MGAM: variants seen among roughly 807,000 people sequenced by gnomAD.
MGAM encodes maltase-glucoamylase.
A neutral mutation model predicts 358.8 loss-of-function variants in MGAM; 253 were observed. The ratio of observed to expected loss-of-function variants is 0.71; its 90% confidence interval spans 0.64 to 0.78. MGAM has a LOEUF of 0.78. Ranked by LOEUF, MGAM falls within the 30% of genes least tolerant of loss-of-function variation. The pLI is 0.00. For missense variants in MGAM, 3,080 were observed against 3,432.6 expected, an observed-to-expected ratio of 0.90 and a Z score of 2.57; for synonymous variants, 1,105 against 1,227.1, an observed-to-expected ratio of 0.90 and a Z score of 2.08.
At chr7:142,019,449 G>T in intron 4 of MGAM, 130 bp downstream of exon 4, 2 of 990,270 alleles carry the variant, frequency 2.0e-6, no homozygotes, top group Non-Finnish European at 2.8e-6. Flanking sequence ...GGTGGGCATT[G>T]CTCTTAATCG....
At chr7:142,067,949 T>TAA (rs1812927095) in intron 42 of MGAM, among the ~76,000 whole-genome samples, 4 of 37,228 alleles carry the variant, frequency 1.1e-4, no homozygotes, top group African/African-American at 2.9e-4. Flanking sequence ...TATATATATA[T>TAA]ATATATATAT....
At chr7:142,033,501 A>G (rs1223728193) in intron 14 of MGAM, among the ~76,000 whole-genome samples, 1 of 152,190 alleles carries the variant, frequency 6.6e-6, no homozygotes, top group Non-Finnish European at 1.5e-5. Context: ...TGATTGAGAA[A>G]GGAAAAAACT....
At chr7:142,042,204 T>TAA (rs1288541929) in intron 21 of MGAM, among the ~76,000 whole-genome samples, 1 of 522 alleles carries the variant, frequency 1.9e-3, no homozygotes, top group Non-Finnish European at 2.5e-3. Flanking sequence ...ATATAATATA[T>TAA]AACATATTAT....
Position 142,059,521 on chromosome 7 carries a change from C to T in MGAM, c.3869C>T (p.Thr1290Ile), listed in dbSNP as rs1380498230. ...IDYMERQLDF[T>I]LSPKFAGFPA... ...TACATGGAGCGGCAGCTGGACTTCA[C>T]CCTCAGCCCCAAGTTTGCTGGGTTT... Residue 1290 changes from threonine to isoleucine, a missense_variant, in exon 32 of 71, where the codon ACC becomes ATC. Coordinates refer to ENST00000475668, the MANE Select transcript of MGAM (RefSeq NM_001365693.1). The T allele has an allele frequency of 1.2e-6, 2 of 1,612,952 alleles. No homozygotes were observed. The highest frequency in any genetic ancestry group is 2.2e-5 in the East Asian group (1 of 44,848).
intron 3 of MGAM, among the ~76,000 whole-genome samples, chr7:142,013,314 T>C (rs1554454983): frequency 6.6e-6 from 1 of 152,068 alleles, no homozygotes; most frequent in East Asian, 1.9e-4. Context: ...TTCCCTCCAG[T>C]GGCAGGAAAT....
chr7:142,086,480 T>C (rs1269272161), intron 56 of MGAM, among the ~76,000 whole-genome samples, 152 bp downstream of exon 56: 1 of 101,150 alleles, frequency 9.9e-6, no homozygotes, highest in Non-Finnish European at 2.2e-5. Context: ...GTTGATACAG[T>C]TAATAACTTT....
intron 68 of MGAM, among the ~76,000 whole-genome samples, chr7:142,101,344 C>T: frequency 6.6e-6 from 1 of 151,220 alleles, no homozygotes; most frequent in East Asian, 1.9e-4. Flanking sequence ...TTAGCTATTT[C>T]TAGACAAGTG....
rs1809543174 is a variant in MGAM, at chr7:142,044,045, T to TATACATTATATACACATACGACGTATA, written c.2498+3230_2498+3256dup. Among the ~76,000 whole-genome samples the TATACATTATATACACATACGACGTATA allele has an allele frequency of 7.7e-5, 10 of 129,266 alleles. 3 individuals are homozygous for TATACATTATATACACATACGACGTATA. Among genetic ancestry groups the TATACATTATATACACATACGACGTATA allele is most frequent in the African/African-American group, 2.2e-4 (7 of 32,494 alleles). The allele number at this position is 129,266 out of a possible 152,430, so 84.8% of individuals were successfully genotyped here. ...TTATATACACATACGACGTATAATA[T>TATACATTATATACACATACGACGTATA]ATACATTATATACACATACGACGTA... On this transcript the variant is annotated intron_variant, in intron 21 of 70. Transcript: ENST00000475668.
Position 142,063,824 on chromosome 7 carries a change from G to A in MGAM, c.4345+238G>A, listed in dbSNP as rs114563588. On this transcript the variant is annotated intron_variant, in intron 36 of 70. Coordinates refer to ENST00000475668, the MANE Select transcript of MGAM (RefSeq NM_001365693.1). ...CAGAAAGCACTTAGCAGAGCTCATG[G>A]CACAAAGGGTTCTCACAGCTGAGTT... is the stretch of plus-strand genomic sequence containing the variant. 5.0e-4 allele frequency among the ~76,000 whole-genome samples: 76 copies of A among 152,302 alleles called. 1 individual carries two copies. The highest frequency in any genetic ancestry group is 2.3e-3 in the South Asian group (11 of 4,828).
At chr7:142,041,907 A>ATAT (rs1554468783) in intron 21 of MGAM, among the ~76,000 whole-genome samples, 2 of 19,042 alleles carry the variant, frequency 1.1e-4, no homozygotes, top group Admixed American at 1.1e-3. Flanking sequence ...TATATATATT[A>ATAT]TATATATACG....
chr7:142,041,094 C>T (rs1808486972), intron 21 of MGAM, among the ~76,000 whole-genome samples: 2 of 152,086 alleles, frequency 1.3e-5, no homozygotes, highest in Non-Finnish European at 2.9e-5. Context: ...CACTTGTTCT[C>T]ATTTCTAGAG....
rs115785937 is a variant in MGAM at position 142,050,801 on chromosome 7, A to C, written c.2742A>C (p.Thr914=). Residue 914 remains threonine (T), a synonymous_variant, in exon 24 of 71, where the codon ACA becomes ACC. Coordinates refer to ENST00000475668, the MANE Select transcript of MGAM (RefSeq NM_001365693.1). The stretch of plus-strand genomic sequence containing the variant: ...GGACGGAGGAACCTAGCAATGTTAC[A>C]GTGAAACACAATGGTGTCCCAAGTC... ...ILGTEEPSNV[T]VKHNGVPSQT... 4.5e-3 allele frequency: 7,337 copies of C among 1,613,778 alleles called. 281 individuals are homozygous for C. In the African/African-American group the frequency reaches 0.086, roughly 19 times the overall value.
At chr7:142,097,307 A>G (rs746697297) in intron 65 of MGAM, among the ~76,000 whole-genome samples, 9 of 151,662 alleles carry the variant, frequency 5.9e-5, no homozygotes, top group Non-Finnish European at 1.2e-4. Context: ...TCTCTTTAAG[A>G]GGGAATGGCG....
chr7:142,030,825 TG>T, intron 12 of MGAM, 68 bp downstream of exon 12: 2 of 807,538 alleles, frequency 2.5e-6, no homozygotes, highest in East Asian at 4.9e-5. Flanking sequence ...TGTCTGTGTG[TG>T]TGTGTGTGTG....
chr7:142,036,730 A>T, intron 17 of MGAM, 93 bp from the exon 18 acceptor site: 1 of 1,374,468 alleles, frequency 7.3e-7, no homozygotes, highest in Non-Finnish European at 1.0e-6. Flanking sequence ...CAGGAGGGAA[A>T]TTCTTGGTTG....
intron 18 of MGAM, among the ~76,000 whole-genome samples, chr7:142,037,583 A>G (rs569387219): frequency 6.6e-6 from 1 of 152,112 alleles, no homozygotes; most frequent in Admixed American, 6.6e-5. Context: ...AGGCTATTAT[A>G]TATTCATTAT....
intron 57 of MGAM, among the ~76,000 whole-genome samples, chr7:142,089,069 T>C (rs1418833284): frequency 1.4e-5 from 2 of 145,236 alleles, no homozygotes; most frequent in African/African-American, 4.9e-5. Context: ...CTTCCTGTCC[T>C]CTCGTCACCT....
intron 64 of MGAM, 82 bp from the exon 65 acceptor site, chr7:142,096,249 G>A (rs1815893472): frequency 9.9e-6 from 13 of 1,312,708 alleles, no homozygotes; most frequent in African/African-American, 1.4e-5. Flanking sequence ...TTCCGACTTG[G>A]ATCTGAACTT....
intron 1 of MGAM, among the ~76,000 whole-genome samples, chr7:142,001,521 G>T (rs1172948139): frequency 2.0e-5 from 3 of 152,204 alleles, no homozygotes; most frequent in Non-Finnish European, 4.4e-5. Flanking sequence ...TGAGTAAAGA[G>T]AGTATGATTT....
Sources: gnomAD v4.1 joint callset for allele counts (sites outside exome capture counted in the v4.1 genomes callset) on GRCh38, gnomAD v4.1.1 for gene constraint, MANE v1.5 for transcripts, NCBI Gene and HGNC (gene_info 2026-07-23, HGNC 2026-07-21) for gene names.